ADGB: variants seen among roughly 807,000 people sequenced by gnomAD.
The protein encoded by ADGB is calpain-7-like protein.
ADGB carries 172 observed loss-of-function variants against 210.5 expected under a neutral mutation model. That is an observed-to-expected ratio of 0.82 (90% CI 0.72 to 0.93). The LOEUF (loss-of-function observed/expected upper bound fraction) is 0.93. ADGB is among the 40% of genes least tolerant of loss of function. The pLI is 0.00. For missense variants in ADGB, 2,025 were observed against 1,964.8 expected (o/e 1.03, Z -0.58); for synonymous variants, 658 against 662.7 (o/e 0.99, Z 0.11).
chr6:146,776,062 T>G (rs1777716887), intron 29 of ADGB, among the ~76,000 whole-genome samples: 1 of 152,138 alleles, frequency 6.6e-6, no homozygotes, highest in Admixed American at 6.6e-5. Context: ...TACTGTGTTC[T>G]GGATATATGG....
intron 23 of ADGB, among the ~76,000 whole-genome samples, chr6:146,737,773 A>T (rs1777101840): frequency 6.6e-6 from 1 of 152,208 alleles, no homozygotes; most frequent in Admixed American, 6.5e-5. Context: ...CCTATTAGGG[A>T]ATAGGATCAG....
intron 16 of ADGB, 140 bp downstream of exon 16, chr6:146,717,739 A>G: frequency 2.2e-6 from 1 of 447,726 alleles, no homozygotes; most frequent in Non-Finnish European, 4.0e-6. Flanking sequence ...AGAGTCTCTC[A>G]CTAATCCTTA....
intron 35 of ADGB, among the ~76,000 whole-genome samples, chr6:146,806,039 G>C (rs1778207256): frequency 6.6e-6 from 1 of 152,196 alleles, no homozygotes; most frequent in South Asian, 2.1e-4. Flanking sequence ...TAATGAATCA[G>C]TAAATCAATG....
intron 11 of ADGB, 115 bp downstream of exon 11, chr6:146,691,405 A>C (rs1421304062): frequency 1.2e-5 from 2 of 169,186 alleles, no homozygotes; most frequent in African/African-American, 5.1e-5. Context: ...TCTAAAGCCT[A>C]TGTTTAATAT....
At chr6:146,599,583 T>A (rs575181550) in intron 1 of ADGB, among the ~76,000 whole-genome samples, 2 of 152,310 alleles carry the variant, frequency 1.3e-5, no homozygotes, top group East Asian at 3.9e-4. Flanking sequence ...CGATCTTTAA[T>A]CAGATATAGT....
At chr6:146,661,134 C>T (rs1411027121) in intron 5 of ADGB, among the ~76,000 whole-genome samples, 1 of 151,748 alleles carries the variant, frequency 6.6e-6, no homozygotes, top group Non-Finnish European at 1.5e-5. Context: ...AATATAAATA[C>T]TTTACCACCA....
At chr6:146,765,750 A>G (rs1777563827) in intron 28 of ADGB, among the ~76,000 whole-genome samples, 1 of 151,814 alleles carries the variant, frequency 6.6e-6, no homozygotes, top group Admixed American at 6.6e-5. Flanking sequence ...TAAAAATACA[A>G]TGCAGCTTCT....
chr6:146,689,013 T>A (rs1776267879), intron 10 of ADGB, among the ~76,000 whole-genome samples: 1 of 152,136 alleles, frequency 6.6e-6, no homozygotes, highest in Non-Finnish European at 1.5e-5. Context: ...AACTTCTTTC[T>A]CCTCTTGGGT....
intron 1 of ADGB, among the ~76,000 whole-genome samples, chr6:146,631,546 T>A (rs562640388): frequency 1.1e-3 from 167 of 152,244 alleles, no homozygotes; most frequent in African/African-American, 3.7e-3. Context: ...TTCAATTAGG[T>A]ATATCAGAAA....
At chr6:146,632,574 TC>T (rs1781080792) in intron 1 of ADGB, among the ~76,000 whole-genome samples, 1 of 152,198 alleles carries the variant, frequency 6.6e-6, no homozygotes, top group African/African-American at 2.4e-5. Flanking sequence ...CTTTCTTTTC[TC>T]AGTGTTCACA....
chr6:146,719,929 G>C (rs543939694), intron 16 of ADGB, among the ~76,000 whole-genome samples: 163 of 152,286 alleles, frequency 1.1e-3, no homozygotes, highest in African/African-American at 3.7e-3. Flanking sequence ...GGAACATAGG[G>C]GGAGGAGTAA....
intron 3 of ADGB, among the ~76,000 whole-genome samples, chr6:146,653,507 A>G (rs1476559751): frequency 6.6e-6 from 1 of 152,110 alleles, no homozygotes; most frequent in East Asian, 1.9e-4. Flanking sequence ...GAAATATCAC[A>G]TGTTCTCACT....
intron 1 of ADGB, among the ~76,000 whole-genome samples, chr6:146,615,061 C>T (rs183868801): frequency 9.3e-5 from 14 of 149,794 alleles, no homozygotes; most frequent in South Asian, 6.4e-4. Context: ...CCACCACGCC[C>T]GGCTAATTTT....
intron 13 of ADGB, among the ~76,000 whole-genome samples, chr6:146,711,120 C>G (rs1457465194): frequency 6.6e-6 from 1 of 152,132 alleles, no homozygotes; most frequent in Non-Finnish European, 1.5e-5. Flanking sequence ...AAGATTTTGT[C>G]ATTTCATAAT....
chr6:146,703,092 A>G (rs1776515547), intron 13 of ADGB, among the ~76,000 whole-genome samples: 1 of 151,826 alleles, frequency 6.6e-6, no homozygotes, highest in Non-Finnish European at 1.5e-5. Context: ...CTGCTGTGCA[A>G]TGCCTGCTTA....
intron 1 of ADGB, among the ~76,000 whole-genome samples, chr6:146,612,631 C>T (rs999666095): frequency 6.6e-6 from 1 of 152,138 alleles, no homozygotes; most frequent in East Asian, 1.9e-4. Context: ...CATTCTCATT[C>T]CCTTTTCTTT....
intron 2 of ADGB, among the ~76,000 whole-genome samples, chr6:146,636,740 G>C (rs1340655342): frequency 6.6e-6 from 1 of 151,940 alleles, no homozygotes; most frequent in Non-Finnish European, 1.5e-5. Context: ...TCACTGGAGT[G>C]AGTGGTGGAC....
intron 33 of ADGB, among the ~76,000 whole-genome samples, chr6:146,794,067 G>T (rs928777281): frequency 1.3e-5 from 2 of 152,140 alleles, no homozygotes; most frequent in Non-Finnish European, 2.9e-5. Context: ...ATATGTAGGG[G>T]TATTAGTTGT....
intron 19 of ADGB, among the ~76,000 whole-genome samples, chr6:146,727,832 C>T (rs371581169): frequency 3.3e-5 from 5 of 152,192 alleles, no homozygotes; most frequent in Non-Finnish European, 2.9e-5. Flanking sequence ...GTTCCAGTAA[C>T]GAGTCAGTTG....
Sources: allele counts gnomAD v4.1 joint callset (sites outside exome capture counted in the v4.1 genomes callset), GRCh38; gene constraint gnomAD v4.1.1; transcripts MANE v1.5; gene names NCBI Gene and HGNC (gene_info 2026-07-23, HGNC 2026-07-21).